Variants in RIT2 observed in about 807,000 individuals in gnomAD.
The protein encoded by RIT2 is Ras like without CAAX 2.
A neutral mutation model predicts 23.7 loss-of-function variants in RIT2; 24 were observed. The ratio of observed to expected loss-of-function variants is 1.01; its 90% CI spans 0.73 to 1.43. The LOEUF is 1.43. RIT2 is among the 40% of genes most tolerant of loss of function. The pLI is 0.00. For synonymous variants in RIT2, 107 were observed against 91.1 expected, an observed-to-expected ratio of 1.17 and a Z score of -0.99; for missense variants, 236 against 266.9, an observed-to-expected ratio of 0.88 and a Z score of 0.81.
At chr18:42,981,350 A>G (rs1476483735) in intron 2 of RIT2, among the ~76,000 whole-genome samples, 4 of 152,186 alleles carry the variant, frequency 2.6e-5, no homozygotes, top group Non-Finnish European at 5.9e-5. Flanking sequence ...AAGAACTTTT[A>G]TGATCAAGGC....
intron 4 of RIT2, among the ~76,000 whole-genome samples, chr18:42,866,878 T>G (rs1323340856): frequency 6.6e-6 from 1 of 152,170 alleles, no homozygotes; most frequent in Non-Finnish European, 1.5e-5. Flanking sequence ...ATAGTTTTGA[T>G]ATTTCTTACA....
chr18:43,085,459 T>G (rs906418921), intron 1 of RIT2, among the ~76,000 whole-genome samples: 70 of 152,114 alleles, frequency 4.6e-4, no homozygotes, highest in Non-Finnish European at 1.0e-4. Flanking sequence ...ATTCCCCTAG[T>G]CTAACTTTGT....
intron 3 of RIT2, among the ~76,000 whole-genome samples, chr18:42,932,390 C>A (rs1002093852): frequency 2.0e-5 from 3 of 152,172 alleles, no homozygotes; most frequent in Non-Finnish European, 4.4e-5. Flanking sequence ...ATTTATTCTG[C>A]AGCTCTTCTG....
rs1913016505 is a variant in RIT2 at position 42,750,309 on chromosome 18, A to G, written c.427-6589T>C. The stretch of plus-strand genomic sequence containing the variant: ...GTCAGTATAGTGTTTCTTTGGAAGG[A>G]GATGCAAGAAAGTTTTCTGGGCACC... On this transcript the variant is annotated intron_variant, in intron 4 of 4. Coordinates refer to ENST00000326695, the MANE Select transcript of RIT2 (RefSeq NM_002930.4). Among the ~76,000 whole-genome samples the G allele has an allele frequency of 2.6e-5, 4 of 151,908 alleles. No homozygotes were observed. The South Asian group carries it at 6.2e-4, about 24-fold the overall frequency.
intron 3 of RIT2, among the ~76,000 whole-genome samples, chr18:42,956,377 T>C (rs1909970878): frequency 6.6e-6 from 1 of 152,202 alleles, no homozygotes; most frequent in Non-Finnish European, 1.5e-5. Context: ...TCCTTTGCTG[T>C]CATTCTGCTA....
intron 1 of RIT2, among the ~76,000 whole-genome samples, chr18:43,090,609 A>G (rs974865256): frequency 6.6e-6 from 1 of 151,976 alleles, no homozygotes; most frequent in East Asian, 1.9e-4. Context: ...TCAAAAACAT[A>G]TCAATCTAAA....
intron 4 of RIT2, among the ~76,000 whole-genome samples, chr18:42,886,666 C>T (rs1301653855): frequency 1.3e-5 from 2 of 151,982 alleles, no homozygotes; most frequent in African/African-American, 4.8e-5. Flanking sequence ...TATTTTGTAG[C>T]ACATAATGAA....
chr18:42,831,523 T>C (rs183381061), intron 4 of RIT2, among the ~76,000 whole-genome samples: 21 of 152,262 alleles, frequency 1.4e-4, no homozygotes, highest in African/African-American at 5.1e-4. Context: ...GATCCTTTAA[T>C]CAAAACACAG....
At chr18:42,906,674 T>C (rs1272232484) in intron 4 of RIT2, among the ~76,000 whole-genome samples, 3 of 152,190 alleles carry the variant, frequency 2.0e-5, no homozygotes, top group Non-Finnish European at 4.4e-5. Flanking sequence ...TTTTGGAGCA[T>C]TACTGATAGA....
intron 4 of RIT2, among the ~76,000 whole-genome samples, chr18:42,745,471 C>G (rs1194749713): frequency 6.6e-6 from 1 of 152,158 alleles, no homozygotes; most frequent in Non-Finnish European, 1.5e-5. Context: ...TCTAGTCTGA[C>G]TAGATCTCAC....
At chr18:43,093,964 G>T (rs1240170406) in intron 1 of RIT2, among the ~76,000 whole-genome samples, 1 of 151,984 alleles carries the variant, frequency 6.6e-6, no homozygotes, top group South Asian at 2.1e-4. Context: ...GACTGGAACT[G>T]GGGTAAGGCA....
intron 4 of RIT2, among the ~76,000 whole-genome samples, chr18:42,786,602 T>C (rs1347189891): frequency 3.9e-5 from 6 of 152,192 alleles, no homozygotes; most frequent in Admixed American, 3.9e-4. Context: ...TGGCAATTAA[T>C]TGATCTTAAT....
rs867114449 is a variant in RIT2, at chr18:43,044,831, C to T, written c.104-10964G>A. On this transcript the variant is annotated intron_variant, in intron 1 of 4. Transcript: ENST00000326695. ...GTGTTTTTCCTTCTATGGAATGTTC[C>T]CCTTTACTTTCTTGACATTTCCCCA... 3.9e-5 allele frequency among the ~76,000 whole-genome samples: 6 copies of T among 152,182 alleles called. No individual in the cohort carries two copies. The Middle Eastern group carries it at 0.01, about 259-fold the overall frequency.
chr18:42,946,567 T>G (rs927240130), intron 3 of RIT2, among the ~76,000 whole-genome samples: 1 of 152,014 alleles, frequency 6.6e-6, no homozygotes, highest in East Asian at 1.9e-4. Flanking sequence ...GAGTAATTTC[T>G]TATTTGCTAA....
chr18:43,108,499 C>G (rs148958876), intron 1 of RIT2, among the ~76,000 whole-genome samples: 4 of 151,936 alleles, frequency 2.6e-5, no homozygotes, highest in African/African-American at 7.3e-5. Context: ...AAAGCAAATG[C>G]GTGAACGTAA....
chr18:43,045,811 T>A (rs1308405862), intron 1 of RIT2, among the ~76,000 whole-genome samples: 1 of 152,096 alleles, frequency 6.6e-6, no homozygotes, highest in African/African-American at 2.4e-5. Context: ...TAAGACATCA[T>A]TAGCTTCCCT....
At chr18:42,935,218 T>C (rs1271488222) in intron 3 of RIT2, among the ~76,000 whole-genome samples, 1 of 152,182 alleles carries the variant, frequency 6.6e-6, no homozygotes, top group Non-Finnish European at 1.5e-5. Flanking sequence ...CTGTGGGATA[T>C]TCTGGTGTTA....
chr18:42,831,540 G>T (rs1427414447), intron 4 of RIT2, among the ~76,000 whole-genome samples: 2 of 152,108 alleles, frequency 1.3e-5, no homozygotes, highest in Admixed American at 1.3e-4. Flanking sequence ...ACAGATAGGG[G>T]TGTAGTGTGT....
chr18:43,028,765 T>G (rs1301007392), intron 2 of RIT2, among the ~76,000 whole-genome samples: 1 of 151,942 alleles, frequency 6.6e-6, no homozygotes, highest in East Asian at 1.9e-4. Flanking sequence ...TCTATGCAAA[T>G]ATATAAATGA....
Sources: gnomAD v4.1 joint callset for allele counts (sites outside exome capture counted in the v4.1 genomes callset) on GRCh38, gnomAD v4.1.1 for gene constraint, MANE v1.5 for transcripts, NCBI Gene and HGNC (gene_info 2026-07-23, HGNC 2026-07-21) for gene names.